The following TGFBR3 variants were observed in gnomAD, a reference collection of about 807,000 sequenced individuals.
TGFBR3 encodes the protein transforming growth factor beta receptor type 3.
A neutral mutation model predicts 87.9 loss-of-function variants in TGFBR3; 46 were observed. The observed-to-expected ratio is 0.52, with a 90% CI of 0.41 to 0.67. The LOEUF (loss-of-function observed/expected upper bound fraction) is 0.67, where lower values mean the gene tolerates loss of function less well. Ranked by LOEUF, TGFBR3 falls within the 30% of genes least tolerant of loss-of-function variation. The pLI is 0.00. For synonymous variants in TGFBR3, 381 were observed against 391.6 expected, an observed-to-expected ratio of 0.97 and a Z score of 0.32; for missense variants, 866 against 1,041.9, an observed-to-expected ratio of 0.83 and a Z score of 2.32.
chr1:91,881,462 C>G (rs17886127), intron 1 of TGFBR3, among the ~76,000 whole-genome samples: 1,584 of 152,258 alleles, frequency 0.01, 20 homozygotes, highest in Non-Finnish European at 0.016. Flanking sequence ...GGCATTTTGG[C>G]CCCCAGTCAT....
At chr1:91,729,160 C>T (rs914701315) in intron 6 of TGFBR3, among the ~76,000 whole-genome samples, 3 of 134,832 alleles carry the variant, frequency 2.2e-5, no homozygotes, top group Non-Finnish European at 1.6e-5. Flanking sequence ...TACACACACA[C>T]ACACACACAC....
At position 91,758,719 on chromosome 1, in the gene TGFBR3, A is replaced by T; in HGVS notation, c.278T>A (p.Val93Asp). 1 of 1,613,968 alleles carries T rather than the reference A, an allele frequency of 6.2e-7. No individual in the cohort carries two copies. The highest frequency in any genetic ancestry group is 8.5e-7 in the Non-Finnish European group (1 of 1,179,928). The change falls in exon 4 of 17, where the codon GTC (valine) becomes GAC (aspartate). Residue 93 changes from valine (V) to aspartate (D), a missense_variant. Transcript: ENST00000212355. ...CACAACAGACTTGTGGTGGATGTGG[A>T]CTGAGGAGATGGGATTCAGGTGAAG... ...VTLHLNPISSVHIHHKSVVFL... is the reference protein window; with the variant it reads ...VTLHLNPISSDHIHHKSVVFL...
intron 2 of TGFBR3, among the ~76,000 whole-genome samples, chr1:91,833,585 T>C (rs564770141): frequency 6.6e-6 from 1 of 150,442 alleles, no homozygotes; most frequent in South Asian, 2.1e-4. Flanking sequence ...CTGGCCAATA[T>C]GGTGAAACCC....
intron 3 of TGFBR3, chr1:91,783,143 A>G (rs1229323431): frequency 6.6e-6 from 1 of 152,224 alleles, no homozygotes; most frequent in Admixed American, 6.5e-5. Flanking sequence ...CTTGCTTCAC[A>G]GTGAGAATCA....
In TGFBR3 at chr1:91,706,353, A is replaced by C. The variant is rs150385827; in HGVS notation, c.2287+2310T>G. On this transcript the variant is annotated intron_variant, in intron 14 of 16. Coordinates refer to ENST00000212355, the MANE Select transcript of TGFBR3 (RefSeq NM_003243.5). ...GTAAAGAAGCCAGCCGAAACTGGCC[A>C]AAAACCACCAAAACCAAGATGGCAA... Among the ~76,000 whole-genome samples, 269 of 152,338 alleles carry C rather than the reference A, an allele frequency of 1.8e-3. 1 individual carries two copies. Among genetic ancestry groups the C allele is most frequent in the African/African-American group, 6.4e-3 (264 of 41,574 alleles).
At chr1:91,725,052 T>C (rs564258606) in intron 7 of TGFBR3, among the ~76,000 whole-genome samples, 2 of 152,352 alleles carry the variant, frequency 1.3e-5, no homozygotes, top group South Asian at 4.1e-4. Context: ...TTTTATGTTT[T>C]AGAGGTTCTT....
At chr1:91,862,850 G>C (rs770618420) in intron 1 of TGFBR3, among the ~76,000 whole-genome samples, 15 of 152,182 alleles carry the variant, frequency 9.9e-5, no homozygotes, top group Non-Finnish European at 1.3e-4. Context: ...TCACACACCT[G>C]GGGGTTGTGG....
At chr1:91,854,812 G>C (rs1234990255) in intron 2 of TGFBR3, among the ~76,000 whole-genome samples, 1 of 152,152 alleles carries the variant, frequency 6.6e-6, no homozygotes, top group East Asian at 1.9e-4. Flanking sequence ...GCATGTCTAA[G>C]TTCTGGTCCA....
chr1:91,858,984 GGCAGAGGTT>G (rs1678072209), intron 2 of TGFBR3, among the ~76,000 whole-genome samples: 1 of 151,900 alleles, frequency 6.6e-6, no homozygotes, highest in East Asian at 1.9e-4. Flanking sequence ...TGAACCAGGA[GGCAGAGGTT>G]GCAGTGAGCC....
chr1:91,709,673 T>C (rs1321837154), intron 13 of TGFBR3, among the ~76,000 whole-genome samples: 2 of 152,242 alleles, frequency 1.3e-5, no homozygotes, highest in African/African-American at 4.8e-5. Context: ...TCAGGCCCAC[T>C]ACATCTGTTT....
At chr1:91,880,850 A>G (rs541856592) in intron 1 of TGFBR3, among the ~76,000 whole-genome samples, 52 of 150,348 alleles carry the variant, frequency 3.5e-4, no homozygotes, top group Non-Finnish European at 5.6e-4. Flanking sequence ...TCTGTCTCAA[A>G]ATATATACAT....
At chr1:91,744,836 G>C (rs1673283140) in intron 4 of TGFBR3, among the ~76,000 whole-genome samples, 2 of 152,200 alleles carry the variant, frequency 1.3e-5, no homozygotes, top group African/African-American at 4.8e-5. Context: ...CCTCTGCACT[G>C]ATGATAAAAA....
chr1:91,847,123 TAAAC>T (rs1445976973), intron 2 of TGFBR3, among the ~76,000 whole-genome samples: 2 of 152,150 alleles, frequency 1.3e-5, no homozygotes, highest in Non-Finnish European at 2.9e-5. Flanking sequence ...AATGGCAGTG[TAAAC>T]AAATAAAAGT....
chr1:91,693,217 GT>G (rs1171038886), intron 16 of TGFBR3, among the ~76,000 whole-genome samples: 1 of 152,214 alleles, frequency 6.6e-6, no homozygotes, highest in Non-Finnish European at 1.5e-5. Context: ...AGAGGCTACA[GT>G]TTTTAATAAA....
At chr1:91,881,805 C>T (rs1180751238) in intron 1 of TGFBR3, among the ~76,000 whole-genome samples, 5 of 151,864 alleles carry the variant, frequency 3.3e-5, no homozygotes, top group African/African-American at 1.2e-4. Flanking sequence ...TTTGGGAGGC[C>T]GAGGCGGGTG....
At chr1:91,748,805 G>A (rs1476308569) in intron 4 of TGFBR3, among the ~76,000 whole-genome samples, 5 of 151,920 alleles carry the variant, frequency 3.3e-5, no homozygotes, top group South Asian at 2.1e-4. Flanking sequence ...TAGAGCCCCC[G>A]TTTACTAGCT....
chr1:91,726,220 G>A (rs371312976), intron 7 of TGFBR3, among the ~76,000 whole-genome samples: 2 of 152,144 alleles, frequency 1.3e-5, no homozygotes, highest in South Asian at 2.1e-4. Flanking sequence ...AAGAGCCATC[G>A]AAGGGTCAAG....
At chr1:91,882,253 C>T (rs1235408162) in intron 1 of TGFBR3, among the ~76,000 whole-genome samples, 1 of 150,714 alleles carries the variant, frequency 6.6e-6, no homozygotes, top group Non-Finnish European at 1.5e-5. Flanking sequence ...CCTCCCACCT[C>T]AGCCTCTGGA....
At chr1:91,769,670 C>G (rs1161725678) in intron 3 of TGFBR3, among the ~76,000 whole-genome samples, 1 of 151,816 alleles carries the variant, frequency 6.6e-6, no homozygotes, top group Non-Finnish European at 1.5e-5. Flanking sequence ...ACAACACATC[C>G]TGAAGGGGAT....
Sources: gnomAD v4.1 joint callset for allele counts (sites outside exome capture counted in the v4.1 genomes callset) on GRCh38, gnomAD v4.1.1 for gene constraint, MANE v1.5 for transcripts, NCBI Gene and HGNC (gene_info 2026-07-23, HGNC 2026-07-21) for gene names.